Variants in MAP4K4 observed in about 807,000 individuals in gnomAD.
The protein encoded by MAP4K4 is mitogen-activated protein kinase kinase kinase kinase 4, also known as HPK/GCK-like kinase HGK.
MAP4K4 carries 38 observed loss-of-function variants against 189.6 expected under a neutral mutation model. The ratio of observed to expected loss-of-function variants is 0.20; its 90% CI spans 0.15 to 0.26. The LOEUF is 0.26. Ranked by LOEUF, MAP4K4 falls within the 10% of genes least tolerant of loss-of-function variation. The pLI, the probability that MAP4K4 is intolerant of heterozygous loss-of-function variation, is 1.00. For missense variants in MAP4K4, 1,054 were observed against 1,726.9 expected (o/e 0.61, Z 6.91); for synonymous variants, 610 against 624.3 (o/e 0.98, Z 0.34).
At chr2:101,830,498 T>A (rs1163364909) in intron 6 of MAP4K4, among the ~76,000 whole-genome samples, 1 of 152,190 alleles carries the variant, frequency 6.6e-6, no homozygotes, top group African/African-American at 2.4e-5. Flanking sequence ...ACAACAAAAT[T>A]CTTTATGTTT....
At chr2:101,719,687 A>C (rs1320175719) in intron 2 of MAP4K4, among the ~76,000 whole-genome samples, 2 of 152,176 alleles carry the variant, frequency 1.3e-5, no homozygotes, top group Non-Finnish European at 2.9e-5. Context: ...GTTGGAATAG[A>C]AAATTCAAGC....
At chr2:101,888,691 T>TA (rs2098523163) in intron 31 of MAP4K4, 105 bp from the exon 32 acceptor site, 1 of 856,138 alleles carries the variant, frequency 1.2e-6, no homozygotes, top group Non-Finnish European at 1.6e-6. Context: ...TTTTAAATTT[T>TA]AAAAAGATTT....
chr2:101,835,869 C>T (rs1172575972), intron 8 of MAP4K4, 31 bp from the exon 9 acceptor site: 1 of 1,410,206 alleles, frequency 7.1e-7, no homozygotes, highest in Non-Finnish European at 1.0e-6. Flanking sequence ...GAAATAAGTG[C>T]CATACTGACA....
intron 2 of MAP4K4, among the ~76,000 whole-genome samples, chr2:101,784,803 ACATTTGTGGT>A (rs1307044052): frequency 6.6e-6 from 1 of 152,186 alleles, no homozygotes; most frequent in African/African-American, 2.4e-5. Context: ...GGTTAATAGG[ACATTTGTGGT>A]CATTTTTGTT....
intron 2 of MAP4K4, among the ~76,000 whole-genome samples, chr2:101,761,191 A>C (rs924272970): frequency 2.6e-5 from 4 of 152,260 alleles, no homozygotes; most frequent in African/African-American, 9.6e-5. Context: ...TATAGAAGTT[A>C]AAGATACTAT....
At chr2:101,885,985 T>A (rs958137293) in intron 29 of MAP4K4, among the ~76,000 whole-genome samples, 4 of 152,244 alleles carry the variant, frequency 2.6e-5, no homozygotes, top group Admixed American at 2.6e-4. Context: ...ATAGTTTTTT[T>A]ATATTTTATT....
At chr2:101,809,402 A>G (rs1406093831) in intron 3 of MAP4K4, among the ~76,000 whole-genome samples, 1 of 152,078 alleles carries the variant, frequency 6.6e-6, no homozygotes, top group Non-Finnish European at 1.5e-5. Flanking sequence ...GTGGATGCTA[A>G]TCACCACCAT....
intron 6 of MAP4K4, among the ~76,000 whole-genome samples, chr2:101,830,918 G>A (rs1049119975): frequency 2.6e-5 from 4 of 152,188 alleles, no homozygotes; most frequent in East Asian, 3.9e-4. Context: ...CACCCTGGAC[G>A]AGCCATTTTC....
intron 3 of MAP4K4, among the ~76,000 whole-genome samples, chr2:101,797,860 C>A (rs2093892576): frequency 8.5e-6 from 1 of 117,498 alleles, no homozygotes; most frequent in South Asian, 2.9e-4. Context: ...CTGTCTCCTC[C>A]CTATGAAGCT....
At chr2:101,748,319 A>G (rs926171473) in intron 2 of MAP4K4, among the ~76,000 whole-genome samples, 1 of 152,198 alleles carries the variant, frequency 6.6e-6, no homozygotes, top group Non-Finnish European at 1.5e-5. Flanking sequence ...GTGTATATGG[A>G]AGTAACAAAT....
intron 2 of MAP4K4, among the ~76,000 whole-genome samples, chr2:101,730,638 CCAGAGCACATTCACA>C: frequency 6.6e-6 from 1 of 152,220 alleles, no homozygotes; most frequent in East Asian, 1.9e-4. Context: ...TCTGTCACCT[CCAGAGCACATTCACA>C]TGGCTTCAGT....
intron 2 of MAP4K4, among the ~76,000 whole-genome samples, chr2:101,787,786 T>G (rs1003554409): frequency 6.6e-6 from 1 of 151,070 alleles, no homozygotes; most frequent in Non-Finnish European, 1.5e-5. Flanking sequence ...TACTATTAGT[T>G]TCAAATTTAG....
At chr2:101,782,190 A>T (rs2087961516) in intron 2 of MAP4K4, among the ~76,000 whole-genome samples, 1 of 152,224 alleles carries the variant, frequency 6.6e-6, no homozygotes, top group Non-Finnish European at 1.5e-5. Flanking sequence ...AATTTATTTT[A>T]CTTTCAGTTA....
intron 2 of MAP4K4, among the ~76,000 whole-genome samples, chr2:101,725,241 A>T (rs989035357): frequency 2.0e-5 from 3 of 152,206 alleles, no homozygotes; most frequent in Non-Finnish European, 4.4e-5. Flanking sequence ...GCTCAGTACA[A>T]GGAAGAGGTG....
chr2:101,856,680 A>G (rs1336565906), intron 13 of MAP4K4, among the ~76,000 whole-genome samples: 1 of 152,214 alleles, frequency 6.6e-6, no homozygotes, highest in Non-Finnish European at 1.5e-5. Context: ...GCATTTTATT[A>G]ATGTCAGGTA....
chr2:101,865,779 T>C (rs2097792286), intron 18 of MAP4K4, among the ~76,000 whole-genome samples: 1 of 152,228 alleles, frequency 6.6e-6, no homozygotes, highest in East Asian at 1.9e-4. Context: ...CTTCTGCGCA[T>C]GGAACCTTGG....
At chr2:101,719,313 A>T (rs1399879227) in intron 2 of MAP4K4, among the ~76,000 whole-genome samples, 1 of 152,200 alleles carries the variant, frequency 6.6e-6, no homozygotes, top group African/African-American at 2.4e-5. Flanking sequence ...ATTCCATTTC[A>T]GTTTGTAGTA....
chr2:101,849,423 C>T (rs2097209323), intron 12 of MAP4K4, among the ~76,000 whole-genome samples: 1 of 152,132 alleles, frequency 6.6e-6, no homozygotes, highest in African/African-American at 2.4e-5. Context: ...GCCACTGTGC[C>T]CAGCCAAAAA....
intron 2 of MAP4K4, among the ~76,000 whole-genome samples, chr2:101,769,547 T>G (rs535259057): frequency 1.3e-5 from 2 of 152,298 alleles, no homozygotes; most frequent in South Asian, 4.1e-4. Flanking sequence ...TAAGCCATAA[T>G]GAGATTGTGT....
Sources: gnomAD v4.1 joint callset for allele counts (sites outside exome capture counted in the v4.1 genomes callset) on GRCh38, gnomAD v4.1.1 for gene constraint, MANE v1.5 for transcripts, NCBI Gene and HGNC (gene_info 2026-07-23, HGNC 2026-07-21) for gene names.